The following PAPOLG variants were observed in gnomAD, a reference collection of about 807,000 sequenced individuals.
PAPOLG encodes the protein PAP-gamma.
Under a neutral mutation model 99.0 loss-of-function variants are expected in PAPOLG, and 40 were observed. The ratio of observed to expected loss-of-function variants is 0.40; its 90% CI spans 0.31 to 0.53. PAPOLG has a LOEUF of 0.53. PAPOLG is among the 20% of genes least tolerant of loss of function. PAPOLG has a pLI of 0.41. For missense variants in PAPOLG, 675 were observed against 884.1 expected, an observed-to-expected ratio of 0.76 and a Z score of 3.00; for synonymous variants, 310 against 299.3, an observed-to-expected ratio of 1.04 and a Z score of -0.37.
chr2:60,779,445 G>T, intron 8 of PAPOLG, 192 bp from the exon 9 acceptor site: 2 of 544,990 alleles, frequency 3.7e-6, no homozygotes, highest in Non-Finnish European at 6.3e-6. Flanking sequence ...TAGACTGTGG[G>T]CCTAATGTGA....
At position 60,798,660 on chromosome 2, in the gene PAPOLG, G is replaced by A. The variant is rs141896307; in HGVS notation, c.*1500G>A. On this transcript the variant is annotated 3_prime_UTR_variant, in exon 22 of 22. Coordinates refer to ENST00000238714, the MANE Select transcript of PAPOLG (RefSeq NM_022894.4). The stretch of plus-strand genomic sequence containing the variant: ...TTGAGTAGTGTGGGGAAGACACCTC[G>A]TGTATTATAGGACTCACGGGATGCC... 2 of 152,290 alleles carry A rather than the reference G, an allele frequency of 1.3e-5. No individual in the cohort carries two copies. The highest frequency in any genetic ancestry group is 2.9e-5 in the Non-Finnish European group (2 of 68,022). 9.4% of individuals were successfully genotyped at this position (152,290 alleles called of 1,614,324 possible). A position where few individuals can be genotyped will look rare whatever the true frequency, so the allele number is the denominator to read the frequency against.
intron 7 of PAPOLG, among the ~76,000 whole-genome samples, chr2:60,773,319 A>G (rs1408007241): frequency 6.6e-6 from 1 of 152,118 alleles, no homozygotes; most frequent in East Asian, 1.9e-4. Context: ...TCCCCTTCCA[A>G]TCCGCAGTCC....
chr2:60,796,208 CTTTT>C (rs66526788), intron 21 of PAPOLG, among the ~76,000 whole-genome samples: 3 of 110,314 alleles, frequency 2.7e-5, no homozygotes, highest in Non-Finnish European at 3.8e-5. Flanking sequence ...TTTTGCCTTC[CTTTT>C]TTTTTTTTTT....
chr2:60,794,350 T>A (rs1671634885), intron 19 of PAPOLG, 159 bp downstream of exon 19: 2 of 775,928 alleles, frequency 2.6e-6, no homozygotes, highest in East Asian at 5.5e-5. Context: ...CATCCTAAAT[T>A]GAAATTACTA....
At chr2:60,763,911 T>C (rs1670596434) in intron 3 of PAPOLG, among the ~76,000 whole-genome samples, 2 of 152,060 alleles carry the variant, frequency 1.3e-5, no homozygotes, top group Non-Finnish European at 2.9e-5. Context: ...CAAGCAGTTC[T>C]CTTGCCTCAG....
chr2:60,781,935 C>T lies in PAPOLG; in HGVS notation c.957C>T (p.Tyr319=), dbSNP rs141126558. ...YHLMPIITPA[Y]PQQNSTYNVS... ...TCATGCCCATAATCACCCCTGCCTA[C>T]CCACAACAGAATTCTACGTATAATG... Residue 319 remains tyrosine, a synonymous_variant, in exon 11 of 22, where the codon TAC becomes TAT. Transcript: ENST00000238714. 8.5e-5 allele frequency: 137 copies of T among 1,613,806 alleles called. 2 individuals carry two copies. The East Asian group carries it at 2.8e-3, about 33-fold the overall frequency.
rs1177205981 is a variant in PAPOLG at position 60,799,344 on chromosome 2, A to G, written c.*2184A>G. 1 of 152,384 alleles carries G rather than the reference A, an allele frequency of 6.6e-6. No homozygotes were observed. Among genetic ancestry groups the G allele is most frequent in the African/African-American group, 2.4e-5 (1 of 41,466 alleles). 9.4% of individuals were successfully genotyped at this position (152,384 alleles called of 1,614,324 possible). A position where few individuals can be genotyped will look rare whatever the true frequency, so the allele number is the denominator to read the frequency against. On this transcript the variant is annotated 3_prime_UTR_variant, in exon 22 of 22. Transcript: ENST00000238714. ...GCATTTATTTTAGATTAAGGAGCCC[A>G]TTCAACATGTCAATGAGTCAACATT... is the stretch of plus-strand genomic sequence containing the variant.
At chr2:60,757,825 C>A (rs1670393845) in intron 1 of PAPOLG, among the ~76,000 whole-genome samples, 1 of 152,120 alleles carries the variant, frequency 6.6e-6, no homozygotes, top group African/African-American at 2.4e-5. Context: ...ATGTGGGATT[C>A]TGTTGTTTAC....
intron 2 of PAPOLG, 41 bp from the exon 3 acceptor site, chr2:60,761,700 A>G: frequency 6.5e-7 from 1 of 1,535,764 alleles, no homozygotes; most frequent in Non-Finnish European, 9.0e-7. Flanking sequence ...CTGTTTGTTC[A>G]TTTGTTTGTT....
chr2:60,776,299 T>C (rs1463885634), intron 8 of PAPOLG, among the ~76,000 whole-genome samples: 1 of 152,094 alleles, frequency 6.6e-6, no homozygotes, highest in Non-Finnish European at 1.5e-5. Flanking sequence ...TAAACCATGC[T>C]GTCAACAGCT....
At chr2:60,760,868 A>T (rs1483883966) in intron 2 of PAPOLG, among the ~76,000 whole-genome samples, 1 of 152,208 alleles carries the variant, frequency 6.6e-6, no homozygotes, top group Admixed American at 6.5e-5. Context: ...ATGACTTAAA[A>T]AAGTTTTAAC....
Position 60,794,563 on chromosome 2 carries a change from T to A in PAPOLG, c.1990-147T>A, listed in dbSNP as rs537281081. 8.7e-6 allele frequency: 6 copies of A among 691,306 alleles called. No individual in the cohort carries two copies. In the South Asian group the frequency reaches 1.3e-4, roughly 15 times the overall value. 42.8% of individuals were successfully genotyped at this position (691,306 alleles called of 1,614,324 possible). On this transcript the variant is annotated intron_variant, in intron 19 of 21. Transcript: ENST00000238714. Reference sequence around the variant, plus strand: ...AATTAACGGTGGCAGTTGAATTCAATCTAATTTAAATTATCTTCTCTTACC... The same window carrying A: ...AATTAACGGTGGCAGTTGAATTCAAACTAATTTAAATTATCTTCTCTTACC...
chr2:60,775,155 A>C (rs750895905), intron 8 of PAPOLG, 32 bp downstream of exon 8: 7 of 1,579,910 alleles, frequency 4.4e-6, no homozygotes, highest in Non-Finnish European at 6.0e-6. Flanking sequence ...TGTTTGCATT[A>C]TAAAATTCTA....
In PAPOLG at chr2:60,786,997, G is replaced by A; in HGVS notation, c.1217G>A (p.Arg406Gln). ...KIRVLVGNLE[R>Q]NEFITLAHVN... is the part of the protein sequence containing the mutation. ...CGTGTACTTGTTGGAAACTTGGAAC[G>A]GAATGAATTTATTACTCTTGCCCAT... The change falls in exon 14 of 22, where the codon CGG becomes CAG. Residue 406 changes from arginine to glutamine, a missense_variant. Transcript: ENST00000238714. 1.9e-6 allele frequency: 3 copies of A among 1,612,550 alleles called. No homozygotes were observed. The highest frequency in any genetic ancestry group is 1.1e-5 in the South Asian group (1 of 90,948).
intron 7 of PAPOLG, among the ~76,000 whole-genome samples, chr2:60,772,642 G>C (rs1670889847): frequency 6.6e-6 from 1 of 152,046 alleles, no homozygotes; most frequent in African/African-American, 2.4e-5. Flanking sequence ...CAGCTACTCG[G>C]GAGGCTGAGG....
chr2:60,801,442 TTTTTC>T lies in PAPOLG; in HGVS notation c.*4292_*4296del, dbSNP rs980289109. On this transcript the variant is annotated 3_prime_UTR_variant, in exon 22 of 22. Coordinates refer to ENST00000238714, the MANE Select transcript of PAPOLG (RefSeq NM_022894.4). ...TCACGTCATCCCCCAAATTGTCTAT[TTTTTC>T]TTTTCTTTTTTTTTAAGATGGAGTC... 6.6e-6 allele frequency: 1 copy of T among 152,018 alleles called. No homozygotes were observed. The highest frequency in any genetic ancestry group is 1.5e-5 in the Non-Finnish European group (1 of 68,000). 9.4% of individuals were successfully genotyped at this position (152,018 alleles called of 1,614,324 possible). A position where few individuals can be genotyped will look rare whatever the true frequency, so the allele number is the denominator to read the frequency against.
Position 60,799,953 on chromosome 2 carries a change from C to G in PAPOLG, c.*2793C>G, listed in dbSNP as rs748602470. On this transcript the variant is annotated 3_prime_UTR_variant, in exon 22 of 22. Transcript: ENST00000238714. ...TTTGTTTTCAAGTGTGAAAAAATAC[C>G]TAGAAGTATATTTTATGAAGTCAAA... 9.2e-5 allele frequency: 14 copies of G among 152,160 alleles called. No individual in the cohort carries two copies. Among genetic ancestry groups the G allele is most frequent in the Non-Finnish European group, 1.5e-4 (10 of 68,004 alleles). 9.4% of individuals were successfully genotyped at this position (152,160 alleles called of 1,614,324 possible). A position where few individuals can be genotyped will look rare whatever the true frequency, so the allele number is the denominator to read the frequency against.
chr2:60,792,256 A>T lies in PAPOLG; in HGVS notation c.1646A>T (p.Lys549Met). The T allele has an allele frequency of 6.2e-7, 1 of 1,608,918 alleles. No individual in the cohort carries two copies. The highest frequency in any genetic ancestry group is 8.5e-7 in the Non-Finnish European group (1 of 1,178,968). The change falls in exon 17 of 22, where the codon AAG (lysine) becomes ATG (methionine). Residue 549 changes from lysine to methionine, a missense_variant. Transcript: ENST00000238714. ...NGTPFNSPAS[K>M]SDSPSVGETE... ...ACACCTTTTAATTCTCCAGCGTCCAAGTCTGATAGCCCTTCTGTAGGAGAA... is the reference window on the plus strand; with the variant it reads ...ACACCTTTTAATTCTCCAGCGTCCATGTCTGATAGCCCTTCTGTAGGAGAA...
At chr2:60,780,028 G>T (rs1256406478) in intron 9 of PAPOLG, among the ~76,000 whole-genome samples, 2 of 152,178 alleles carry the variant, frequency 1.3e-5, no homozygotes, top group Non-Finnish European at 2.9e-5. Context: ...TACTAGTTAT[G>T]TAGAGGTCGT....
Sources: allele counts gnomAD v4.1 joint callset (sites outside exome capture counted in the v4.1 genomes callset), GRCh38; gene constraint gnomAD v4.1.1; transcripts MANE v1.5; gene names NCBI Gene and HGNC (gene_info 2026-07-23, HGNC 2026-07-21).